Variants in SYT1 observed in about 807,000 individuals in gnomAD.
The protein encoded by SYT1 is synaptotagmin 1, also known as synaptotagmin-1.
A neutral mutation model predicts 44.8 loss-of-function variants in SYT1; 8 were observed. The ratio of observed to expected loss-of-function variants is 0.18; its 90% CI spans 0.10 to 0.32. The LOEUF is 0.32. Among genes scored for constraint, SYT1 ranks in the 10% least tolerant of loss-of-function variants. The pLI is 1.00. For synonymous variants in SYT1, 154 were observed against 188.8 expected (o/e 0.82, Z 1.51); for missense variants, 286 against 509.3 (o/e 0.56, Z 4.22).
chr12:79,249,088 CTTTTTTTTTTTTTTTTTTT>C (rs58983623), intron 4 of SYT1, among the ~76,000 whole-genome samples: 12 of 71,816 alleles, frequency 1.7e-4, no homozygotes, highest in Non-Finnish European at 2.9e-4. Flanking sequence ...TTACCTCTTT[CTTTTTTTTTTTTTTTTTTT>C]TTTTTTTTGA....
intron 8 of SYT1, among the ~76,000 whole-genome samples, chr12:79,351,138 A>G (rs1882881891): frequency 6.6e-6 from 1 of 152,170 alleles, no homozygotes; most frequent in Non-Finnish European, 1.5e-5. Flanking sequence ...CAAAATGCCC[A>G]TATTTTTCTC....
At chr12:79,236,146 A>G (rs1876176378) in intron 4 of SYT1, among the ~76,000 whole-genome samples, 1 of 151,998 alleles carries the variant, frequency 6.6e-6, no homozygotes, top group African/African-American at 2.4e-5. Flanking sequence ...TCCCACAACG[A>G]TTTTCCATTT....
At chr12:79,159,290 G>T (rs1248952529) in intron 3 of SYT1, among the ~76,000 whole-genome samples, 1 of 152,154 alleles carries the variant, frequency 6.6e-6, no homozygotes, top group African/African-American at 2.4e-5. Flanking sequence ...TCAGCATTTT[G>T]TTTTCTAAGA....
rs1479667619 is a variant in SYT1, at chr12:79,327,098, T to A, written c.811-26404T>A. On this transcript the variant is annotated intron_variant, in intron 8 of 10. Coordinates refer to ENST00000261205, the MANE Select transcript of SYT1 (RefSeq NM_005639.3). ...ATAATAATTTAAGGGGCTCTGTACC[T>A]CTTCATATGTTAAACTTGACAATTT... Among the ~76,000 whole-genome samples the A allele has an allele frequency of 2.6e-5, 4 of 152,020 alleles. No individual in the cohort carries two copies. In the East Asian group the frequency reaches 7.7e-4, roughly 29 times the overall value.
At chr12:79,442,626 A>G (rs960179251) in intron 9 of SYT1, among the ~76,000 whole-genome samples, 1 of 152,208 alleles carries the variant, frequency 6.6e-6, no homozygotes, top group Non-Finnish European at 1.5e-5. Context: ...ACAAAAATTG[A>G]ATATGTGCCA....
chr12:78,979,188 T>G (rs1869064944), intron 2 of SYT1, among the ~76,000 whole-genome samples: 1 of 152,184 alleles, frequency 6.6e-6, no homozygotes. Context: ...CAGTACTAAT[T>G]TACATTGGAT....
intron 1 of SYT1, among the ~76,000 whole-genome samples, chr12:78,939,437 C>T (rs891199681): frequency 6.6e-6 from 1 of 152,168 alleles, no homozygotes; most frequent in Admixed American, 6.5e-5. Flanking sequence ...GACAAGGGAA[C>T]TGAATTAACA....
At chr12:79,320,004 T>C (rs1259017404) in intron 8 of SYT1, among the ~76,000 whole-genome samples, 1 of 152,224 alleles carries the variant, frequency 6.6e-6, no homozygotes, top group South Asian at 2.1e-4. Flanking sequence ...CTTGAATATA[T>C]GAGAAATGTC....
At chr12:79,111,083 A>G (rs1034190401) in intron 3 of SYT1, among the ~76,000 whole-genome samples, 2 of 152,126 alleles carry the variant, frequency 1.3e-5, no homozygotes, top group African/African-American at 4.8e-5. Context: ...AAAATGAAGG[A>G]TGTTCTAAAT....
At chr12:79,229,718 C>T (rs1344888027) in intron 4 of SYT1, among the ~76,000 whole-genome samples, 8 of 151,944 alleles carry the variant, frequency 5.3e-5, no homozygotes, top group Non-Finnish European at 1.0e-4. Context: ...CTTAGTCTCC[C>T]AAGTAGCTGG....
intron 4 of SYT1, among the ~76,000 whole-genome samples, chr12:79,271,014 G>A (rs974631434): frequency 2.0e-5 from 3 of 152,296 alleles, no homozygotes; most frequent in Admixed American, 2.0e-4. Flanking sequence ...CTCCCCAATT[G>A]TTCATTCAGT....
intron 1 of SYT1, among the ~76,000 whole-genome samples, chr12:78,872,963 G>A (rs762129585): frequency 9.9e-5 from 15 of 151,652 alleles, no homozygotes; most frequent in Non-Finnish European, 1.9e-4. Flanking sequence ...ACAGAATAAT[G>A]TTTTAGAGTC....
At chr12:79,229,347 G>C (rs1875720979) in intron 4 of SYT1, among the ~76,000 whole-genome samples, 1 of 152,186 alleles carries the variant, frequency 6.6e-6, no homozygotes. Flanking sequence ...CTAGAAAGCA[G>C]TAGTTTTCAA....
rs568251460 is a variant in SYT1, at chr12:79,406,303, G to C, written c.929-37770G>C. Among the ~76,000 whole-genome samples the C allele has an allele frequency of 5.4e-4, 82 of 152,222 alleles. 1 individual carries two copies. Among genetic ancestry groups the C allele is most frequent in the African/African-American group, 1.9e-3 (80 of 41,562 alleles). ...CAGGTTAAGCACTATCTCAAGCATA[G>C]AGGTGACCCTTGGGGCAAGATAGTG... On this transcript the variant is annotated intron_variant, in intron 9 of 10. Transcript: ENST00000261205.
At chr12:79,101,485 T>A (rs971032910) in intron 3 of SYT1, among the ~76,000 whole-genome samples, 1 of 152,190 alleles carries the variant, frequency 6.6e-6, no homozygotes, top group Non-Finnish European at 1.5e-5. Context: ...AGTCAGAGTA[T>A]ACAAGGTACA....
chr12:79,351,630 T>G (rs1382640005), intron 8 of SYT1, among the ~76,000 whole-genome samples: 1 of 152,124 alleles, frequency 6.6e-6, no homozygotes, highest in Non-Finnish European at 1.5e-5. Context: ...CAGATAAATT[T>G]GTCCATATTT....
intron 4 of SYT1, among the ~76,000 whole-genome samples, chr12:79,278,126 G>A (rs1457277875): frequency 6.6e-6 from 1 of 151,988 alleles, no homozygotes; most frequent in Non-Finnish European, 1.5e-5. Flanking sequence ...GTCAACAAGG[G>A]AGCACTAGAC....
At chr12:79,045,031 A>T (rs1873907998) in intron 2 of SYT1, among the ~76,000 whole-genome samples, 1 of 152,124 alleles carries the variant, frequency 6.6e-6, no homozygotes, top group Non-Finnish European at 1.5e-5. Context: ...CAAAGCTGTC[A>T]GACAGGGACA....
At chr12:79,000,288 CT>C (rs559894598) in intron 2 of SYT1, among the ~76,000 whole-genome samples, 1,822 of 112,906 alleles carry the variant, frequency 0.016, 15 homozygotes, top group African/African-American at 0.042. Context: ...TTAACTGCTT[CT>C]TTTTTTTTTT....
Sources: allele counts gnomAD v4.1 joint callset (sites outside exome capture counted in the v4.1 genomes callset), GRCh38; gene constraint gnomAD v4.1.1; transcripts MANE v1.5; gene names NCBI Gene and HGNC (gene_info 2026-07-23, HGNC 2026-07-21).